LARP1B: variants seen among roughly 807,000 people sequenced by gnomAD.
The protein encoded by LARP1B is la-related protein 1B.
Under a neutral mutation model 114.2 loss-of-function variants are expected in LARP1B, and 76 were observed. The ratio of observed to expected loss-of-function variants is 0.67; its 90% CI spans 0.55 to 0.81. The LOEUF is 0.81. Ranked by LOEUF, LARP1B falls within the 30% of genes least tolerant of loss-of-function variation. The probability of loss-of-function intolerance (pLI) is 0.00; values close to 1 mark genes in which losing one functional copy is unlikely to be tolerated. For synonymous variants in LARP1B, 345 were observed against 348.0 expected, an observed-to-expected ratio of 0.99 and a Z score of 0.10; for missense variants, 1,014 against 1,075.8, an observed-to-expected ratio of 0.94 and a Z score of 0.80.
At chr4:128,208,772 G>C (rs142475758) in intron 19 of LARP1B, among the ~76,000 whole-genome samples, 92 of 152,210 alleles carry the variant, frequency 6.0e-4, no homozygotes, top group Middle Eastern at 3.4e-3. Flanking sequence ...TTTTCACTGG[G>C]TACTTAAACG....
intron 11 of LARP1B, among the ~76,000 whole-genome samples, chr4:128,160,039 A>G (rs111929237): frequency 0.029 from 4,491 of 152,378 alleles, 99 homozygotes; most frequent in Non-Finnish European, 0.045. Context: ...AAGGGTAGAC[A>G]AATATAGTAA....
Position 128,210,059 on chromosome 4 carries a change from G to A in LARP1B, c.*6G>A. On this transcript the variant is annotated 3_prime_UTR_variant, in exon 20 of 20. Transcript: ENST00000326639. ...CCAGTGACAATTCACATTAAACAGTGCTGCCTGTGTCCTGTGGTCTCAAGA... is the reference window on the plus strand; with the variant it reads ...CCAGTGACAATTCACATTAAACAGTACTGCCTGTGTCCTGTGGTCTCAAGA... 1 of 1,613,834 alleles carries A rather than the reference G, an allele frequency of 6.2e-7. No homozygotes were observed. The highest frequency in any genetic ancestry group is 8.5e-7 in the Non-Finnish European group (1 of 1,179,762).
intron 1 of LARP1B, among the ~76,000 whole-genome samples, chr4:128,067,770 A>G (rs1763579230): frequency 6.6e-6 from 1 of 151,466 alleles, no homozygotes; most frequent in Non-Finnish European, 1.5e-5. Context: ...GCTGGAGTGC[A>G]ATGGAGCAAT....
intron 15 of LARP1B, 71 bp downstream of exon 15, chr4:128,179,583 T>C: frequency 1.1e-6 from 1 of 877,998 alleles, no homozygotes; most frequent in Non-Finnish European, 1.8e-6. Flanking sequence ...ACTAATTGGA[T>C]ATTTCAAAAT....
At chr4:128,220,471 A>C in intron 7 of LARP1B, 3 of 293,822 alleles carry the variant, frequency 1.0e-5, no homozygotes, top group Non-Finnish European at 1.5e-5. Context: ...GAGACCTCTT[A>C]CTCCATCTTG....
intron 4 of LARP1B, among the ~76,000 whole-genome samples, chr4:128,080,889 A>T (rs180964642): frequency 3.0e-4 from 46 of 152,212 alleles, no homozygotes; most frequent in Non-Finnish European, 1.5e-4. Flanking sequence ...ATCCTGGGTA[A>T]ATTAATATTT....
At chr4:128,061,904 C>G (rs1760255860) in intron 1 of LARP1B, 1 of 985,208 alleles carries the variant, frequency 1.0e-6, no homozygotes, top group Non-Finnish European at 1.2e-6. Flanking sequence ...GGCGCTGGTG[C>G]TGGGACGCAG....
intron 17 of LARP1B, among the ~76,000 whole-genome samples, chr4:128,205,913 C>G (rs1757442973): frequency 6.6e-6 from 1 of 152,166 alleles, no homozygotes; most frequent in Non-Finnish European, 1.5e-5. Context: ...AGCAGGTTCT[C>G]AGTATACCTT....
At chr4:128,065,301 C>CT (rs869046047) in intron 1 of LARP1B, among the ~76,000 whole-genome samples, 1 of 131,054 alleles carries the variant, frequency 7.6e-6, no homozygotes. Context: ...TTCTTTCTTT[C>CT]TTTCTTTCTT....
At chr4:128,219,715 C>T (rs1285843699) in intron 6 of LARP1B, among the ~76,000 whole-genome samples, 1 of 145,666 alleles carries the variant, frequency 6.9e-6, no homozygotes, top group Non-Finnish European at 1.5e-5. Context: ...TTAGTGGGTG[C>T]AGCGCACCAG....
chr4:128,201,433 C>T (rs1015719801), intron 17 of LARP1B, among the ~76,000 whole-genome samples: 3 of 152,162 alleles, frequency 2.0e-5, no homozygotes, highest in African/African-American at 4.8e-5. Context: ...TTAGAGCCAA[C>T]CCAGTTCTTA....
At chr4:128,069,429 C>G in intron 1 of LARP1B, 1 of 760,528 alleles carries the variant, frequency 1.3e-6, no homozygotes, top group Admixed American at 1.7e-5. Flanking sequence ...GCCACCATGG[C>G]GAACACGAAT....
At chr4:128,219,674 T>C (rs1405428133) in intron 6 of LARP1B, among the ~76,000 whole-genome samples, 11 of 129,414 alleles carry the variant, frequency 8.5e-5, no homozygotes, top group African/African-American at 1.7e-4. Context: ...AGGGATAGCA[T>C]TGGGAGATAT....
intron 5 of LARP1B, among the ~76,000 whole-genome samples, chr4:128,089,644 A>G (rs1277246885): frequency 6.6e-6 from 1 of 151,500 alleles, no homozygotes; most frequent in Non-Finnish European, 1.5e-5. Flanking sequence ...CTAATGTTCT[A>G]CCTTTTTAAA....
At chr4:128,061,233 G>C (rs1360440478), upstream of LARP1B, 1 of 152,098 alleles carries the variant, frequency 6.6e-6, no homozygotes, top group Non-Finnish European at 1.5e-5. Flanking sequence ...CCGGTGAGTA[G>C]CCACGTCACG....
chr4:128,201,800 A>G (rs1304125358), intron 17 of LARP1B, among the ~76,000 whole-genome samples: 1 of 152,230 alleles, frequency 6.6e-6, no homozygotes, highest in East Asian at 1.9e-4. Context: ...CTATTTATTC[A>G]TGGGGAAAAG....
At chr4:128,213,265 C>A (rs906094461), downstream of LARP1B, among the ~76,000 whole-genome samples, 9 of 151,920 alleles carry the variant, frequency 5.9e-5, no homozygotes, top group African/African-American at 1.4e-4. Context: ...ATGATTTAAT[C>A]ATTTTAATCA....
intron 5 of LARP1B, among the ~76,000 whole-genome samples, chr4:128,089,523 A>G (rs560513543): frequency 3.0e-4 from 46 of 151,882 alleles, no homozygotes; most frequent in Non-Finnish European, 6.0e-4. Context: ...TTTAGTAGAG[A>G]TGGGGTTTTG....
chr4:128,082,983 C>A (rs1179699057), intron 5 of LARP1B, among the ~76,000 whole-genome samples: 1 of 151,614 alleles, frequency 6.6e-6, no homozygotes, highest in African/African-American at 2.4e-5. Flanking sequence ...GTGTTTGTGT[C>A]CCTGGGTACT....
Sources: gnomAD v4.1 joint callset for allele counts (sites outside exome capture counted in the v4.1 genomes callset) on GRCh38, gnomAD v4.1.1 for gene constraint, MANE v1.5 for transcripts, NCBI Gene and HGNC (gene_info 2026-07-23, HGNC 2026-07-21) for gene names.